Variants in TRABD2B observed in about 807,000 individuals in gnomAD.
TRABD2B encodes the protein metalloprotease TIKI2.
In TRABD2B, 14 loss-of-function variants were observed where a neutral mutation model predicts 40.1. That is an observed-to-expected ratio of 0.35 (90% CI 0.23 to 0.55). TRABD2B has a LOEUF of 0.55. Ranked by LOEUF, TRABD2B falls within the 20% of genes least tolerant of loss-of-function variation. The pLI, the probability that TRABD2B is intolerant of heterozygous loss-of-function variation, is 0.90. For synonymous variants in TRABD2B, 263 were observed against 277.0 expected (o/e 0.95, Z 0.50); for missense variants, 541 against 648.6 (o/e 0.83, Z 1.80).
intron 2 of TRABD2B, among the ~76,000 whole-genome samples, chr1:47,823,095 T>A (rs776397542): frequency 1.3e-5 from 2 of 152,212 alleles, no homozygotes; most frequent in Non-Finnish European, 2.9e-5. Context: ...GCCTGGCAGA[T>A]CCATCTGTGT....
At chr1:47,852,678 A>G (rs74073645) in intron 2 of TRABD2B, among the ~76,000 whole-genome samples, 2,781 of 152,264 alleles carry the variant, frequency 0.018, 92 homozygotes, top group African/African-American at 0.064. Flanking sequence ...CTGGTTACAT[A>G]CTATTTCAAT....
intron 2 of TRABD2B, among the ~76,000 whole-genome samples, chr1:47,883,559 C>G (rs1644333121): frequency 6.6e-6 from 1 of 152,180 alleles, no homozygotes; most frequent in South Asian, 2.1e-4. Context: ...GGCAGCTTCT[C>G]TGAGATCTTA....
chr1:47,863,372 T>TTATATA lies in TRABD2B; in HGVS notation c.667-61759_667-61754dup, dbSNP rs201881656. Reference sequence around the variant, plus strand: ...ATAATTGGATATATCCTATATAATTTTATATATATATATATATATATAATC... The same window carrying TTATATA: ...ATAATTGGATATATCCTATATAATTTTATATATATATATATATATATATATATAATC... On this transcript the variant is annotated intron_variant, in intron 2 of 6. Transcript: ENST00000606738. 4.9e-3 allele frequency among the ~76,000 whole-genome samples: 328 copies of TTATATA among 66,490 alleles called. 27 individuals are homozygous for TTATATA. Among genetic ancestry groups the TTATATA allele is most frequent in the South Asian group, 0.027 (72 of 2,678 alleles). 43.6% of individuals were successfully genotyped at this position (66,490 alleles called of 152,430 possible).
chr1:47,780,079 T>C (rs998603702), intron 4 of TRABD2B, among the ~76,000 whole-genome samples: 5 of 152,168 alleles, frequency 3.3e-5, no homozygotes, highest in Non-Finnish European at 5.9e-5. Flanking sequence ...TTGCTGACCA[T>C]GCCCTGCCAG....
At chr1:47,993,556 T>G (rs931938832) in intron 2 of TRABD2B, among the ~76,000 whole-genome samples, 1 of 152,150 alleles carries the variant, frequency 6.6e-6, no homozygotes, top group Non-Finnish European at 1.5e-5. Flanking sequence ...CAAGCAGCAC[T>G]CTACTGTCGC....
intron 2 of TRABD2B, among the ~76,000 whole-genome samples, chr1:47,857,905 T>C (rs1208672609): frequency 4.7e-5 from 5 of 106,784 alleles, no homozygotes; most frequent in African/African-American, 1.5e-4. Context: ...CCACCCCTTA[T>C]CCACAGTTTC....
At chr1:47,957,623 G>A (rs146363750) in intron 2 of TRABD2B, among the ~76,000 whole-genome samples, 2,304 of 152,226 alleles carry the variant, frequency 0.015, 54 homozygotes, top group African/African-American at 0.052. Context: ...AGTGATTGAA[G>A]ATCAAATGAA....
intron 2 of TRABD2B, among the ~76,000 whole-genome samples, chr1:47,955,473 C>G (rs1645406266): frequency 6.6e-6 from 1 of 152,202 alleles, no homozygotes; most frequent in Admixed American, 6.5e-5. Context: ...ACCAGCTCAG[C>G]CTTCAAAGCT....
At chr1:47,872,381 A>C (rs1644155953) in intron 2 of TRABD2B, among the ~76,000 whole-genome samples, 1 of 151,978 alleles carries the variant, frequency 6.6e-6, no homozygotes, top group Admixed American at 6.6e-5. Context: ...TCTCCCTGCC[A>C]CCTCCGGGAG....
chr1:47,769,518 G>A (rs12039829), intron 6 of TRABD2B, among the ~76,000 whole-genome samples: 5,188 of 152,288 alleles, frequency 0.034, 389 homozygotes, highest in East Asian at 0.29. Flanking sequence ...GTGGGTGGGG[G>A]GTGTGGAGGA....
intron 2 of TRABD2B, among the ~76,000 whole-genome samples, chr1:47,903,530 C>G (rs1056197076): frequency 6.6e-6 from 1 of 152,070 alleles, no homozygotes; most frequent in African/African-American, 2.4e-5. Flanking sequence ...GAGCCAGGCA[C>G]AGAGATGGGG....
Position 47,782,710 on chromosome 1 carries a change from C to T in TRABD2B, c.989-4166G>A, listed in dbSNP as rs569689852. Among the ~76,000 whole-genome samples, 31 of 152,286 alleles carry T rather than the reference C, an allele frequency of 2.0e-4. 1 individual carries two copies. The South Asian group carries it at 6.2e-3, about 31-fold the overall frequency. On this transcript the variant is annotated intron_variant, in intron 4 of 6. Transcript: ENST00000606738. ...CAGGAATTTGGCCCTTGGACCAGCCCGAGTCAGGGCCCAGAGCATGCCGTC... is the reference window on the plus strand; with the variant it reads ...CAGGAATTTGGCCCTTGGACCAGCCTGAGTCAGGGCCCAGAGCATGCCGTC...
intron 2 of TRABD2B, among the ~76,000 whole-genome samples, chr1:47,902,295 G>T (rs1329398543): frequency 6.6e-6 from 1 of 152,152 alleles, no homozygotes; most frequent in African/African-American, 2.4e-5. Context: ...TTGAAAACCA[G>T]GGGCACAATA....
At chr1:47,961,909 C>T (rs1224418859) in intron 2 of TRABD2B, among the ~76,000 whole-genome samples, 1 of 152,192 alleles carries the variant, frequency 6.6e-6, no homozygotes, top group Non-Finnish European at 1.5e-5. Flanking sequence ...AAGACACATG[C>T]ACACGTATGT....
At chr1:47,959,778 G>A (rs1645482453) in intron 2 of TRABD2B, among the ~76,000 whole-genome samples, 1 of 152,130 alleles carries the variant, frequency 6.6e-6, no homozygotes, top group African/African-American at 2.4e-5. Flanking sequence ...AATTCTACCA[G>A]AGGTACAAAG....
chr1:47,845,959 C>T (rs1645462895), intron 2 of TRABD2B, among the ~76,000 whole-genome samples: 1 of 152,156 alleles, frequency 6.6e-6, no homozygotes, highest in African/African-American at 2.4e-5. Context: ...TTTCCTCTTT[C>T]CAGGGCTGAC....
chr1:47,923,907 T>TACACACACAC (rs1268599311), intron 2 of TRABD2B, among the ~76,000 whole-genome samples: 2 of 64,140 alleles, frequency 3.1e-5, no homozygotes, highest in African/African-American at 1.1e-4. Flanking sequence ...TCTACACACA[T>TACACACACAC]ACACACATAC....
intron 2 of TRABD2B, among the ~76,000 whole-genome samples, chr1:47,905,870 A>AT (rs1644669801): frequency 6.6e-6 from 1 of 152,152 alleles, no homozygotes; most frequent in South Asian, 2.1e-4. Context: ...CAAGGTTTTA[A>AT]TTCTGGGGAA....
chr1:47,771,751 G>T (rs1349437866), intron 6 of TRABD2B, among the ~76,000 whole-genome samples: 2 of 152,214 alleles, frequency 1.3e-5, no homozygotes, highest in Non-Finnish European at 2.9e-5. Context: ...GCCATCTGTG[G>T]ACACACGCTT....
Sources: allele counts gnomAD v4.1 joint callset (sites outside exome capture counted in the v4.1 genomes callset), GRCh38; gene constraint gnomAD v4.1.1; transcripts MANE v1.5; gene names NCBI Gene and HGNC (gene_info 2026-07-23, HGNC 2026-07-21).